RGS7: variants seen among roughly 807,000 people sequenced by gnomAD.
RGS7 encodes the protein regulator of G protein signaling 7, also known as regulator of G-protein signaling 7.
A neutral mutation model predicts 81.1 loss-of-function variants in RGS7; 27 were observed. The observed-to-expected ratio is 0.33, with a 90% CI of 0.25 to 0.46. The LOEUF (loss-of-function observed/expected upper bound fraction) is 0.46. Ranked by LOEUF, RGS7 falls within the 20% of genes least tolerant of loss-of-function variation. The pLI is 1.00. For missense variants in RGS7, 396 were observed against 607.4 expected (o/e 0.65, Z 3.66); for synonymous variants, 208 against 207.7 (o/e 1.00, Z -0.01).
chr1:241,196,076 G>C (rs1224849320), intron 2 of RGS7, among the ~76,000 whole-genome samples: 2 of 151,948 alleles, frequency 1.3e-5, no homozygotes, highest in African/African-American at 4.8e-5. Context: ...AAGTCAAAGA[G>C]AAATCTTAAA....
At chr1:240,840,878 C>T (rs993857197) in intron 9 of RGS7, among the ~76,000 whole-genome samples, 1 of 152,060 alleles carries the variant, frequency 6.6e-6, no homozygotes, top group African/African-American at 2.4e-5. Flanking sequence ...ATGTGAAAGA[C>T]TTTTTGAACA....
chr1:240,874,525 G>A (rs1028144787), intron 6 of RGS7, among the ~76,000 whole-genome samples: 1 of 152,048 alleles, frequency 6.6e-6, no homozygotes, highest in African/African-American at 2.4e-5. Context: ...ATTAAATCTG[G>A]TATGTAACAA....
chr1:241,238,891 G>A (rs992947382), intron 2 of RGS7, among the ~76,000 whole-genome samples: 1 of 150,526 alleles, frequency 6.6e-6, no homozygotes, highest in Non-Finnish European at 1.5e-5. Flanking sequence ...TTTTTGATTT[G>A]TTATAAAACA....
intron 2 of RGS7, among the ~76,000 whole-genome samples, chr1:241,178,381 G>A (rs1466223895): frequency 6.6e-6 from 1 of 152,104 alleles, no homozygotes; most frequent in South Asian, 2.1e-4. Flanking sequence ...CATAAATTTG[G>A]GAATCGTAAA....
Position 240,890,002 on chromosome 1 carries a change from ACTC to A in RGS7, c.386-19886_386-19884del, listed in dbSNP as rs747398873. Among the ~76,000 whole-genome samples the A allele has an allele frequency of 1.8e-4, 27 of 151,818 alleles. No individual in the cohort carries two copies. In the East Asian group the frequency reaches 4.1e-3, roughly 23 times the overall value. On this transcript the variant is annotated intron_variant, in intron 6 of 18. Coordinates refer to ENST00000440928, the MANE Select transcript of RGS7 (RefSeq NM_001364886.1). ...CAGAGTTTCCACCTTTTGTTTCTTC[ACTC>A]CTCCTATTTGCCAAAACAGTCACTG...
At chr1:241,194,314 G>A (rs2072907030) in intron 2 of RGS7, among the ~76,000 whole-genome samples, 1 of 152,050 alleles carries the variant, frequency 6.6e-6, no homozygotes. Context: ...CTACCTCTGG[G>A]CACCAATGGA....
intron 18 of RGS7, among the ~76,000 whole-genome samples, chr1:240,793,611 A>ATATATATATATTTTTTTTTTTTT: frequency 2.5e-5 from 2 of 78,870 alleles, no homozygotes; most frequent in African/African-American, 1.9e-4. Flanking sequence ...ATATATATAT[A>ATATATATATATTTTTTTTTTTTT]TTTTTTTTTT....
At chr1:240,988,529 AC>A (rs1339237894) in intron 3 of RGS7, among the ~76,000 whole-genome samples, 2 of 152,186 alleles carry the variant, frequency 1.3e-5, no homozygotes, top group African/African-American at 4.8e-5. Flanking sequence ...GAATTAATGA[AC>A]TAAATTTCTC....
At chr1:241,215,235 T>C (rs1166693792) in intron 2 of RGS7, among the ~76,000 whole-genome samples, 1 of 152,206 alleles carries the variant, frequency 6.6e-6, no homozygotes, top group African/African-American at 2.4e-5. Context: ...CATGAGGATA[T>C]GTCTATTTTA....
chr1:241,215,703 A>G (rs1004455802), intron 2 of RGS7, among the ~76,000 whole-genome samples: 33 of 152,178 alleles, frequency 2.2e-4, no homozygotes, highest in Non-Finnish European at 3.4e-4. Context: ...TAGGGGAAAA[A>G]AACAGTGTGT....
At chr1:240,917,274 A>G (rs1672762304) in intron 6 of RGS7, among the ~76,000 whole-genome samples, 1 of 152,204 alleles carries the variant, frequency 6.6e-6, no homozygotes, top group Admixed American at 6.5e-5. Context: ...CTTCAGAAAA[A>G]GGGAGAATGA....
chr1:241,183,949 C>T (rs1028652770), intron 2 of RGS7, among the ~76,000 whole-genome samples: 9 of 152,170 alleles, frequency 5.9e-5, no homozygotes, highest in African/African-American at 2.2e-4. Context: ...AAGGAAGTGA[C>T]AGCAACACCC....
chr1:241,355,735 C>T lies in RGS7; in HGVS notation c.42G>A (p.Val14=). Residue 14 remains valine, a synonymous_variant, in exon 2 of 19, where the codon GTG becomes GTA. Transcript: ENST00000440928. ...CCAGCATGTTGGGTGATTCATCGGC[C>T]ACCCCGTTGCTGGTCTGCCCATAAT... ...GNNYGQTSNG[V]ADESPNMLVY... is the part of the protein sequence containing the mutation. The T allele has an allele frequency of 6.2e-7, 1 of 1,614,124 alleles. No individual in the cohort carries two copies. Among genetic ancestry groups the T allele is most frequent in the Non-Finnish European group, 8.5e-7 (1 of 1,180,022 alleles).
intron 3 of RGS7, among the ~76,000 whole-genome samples, chr1:241,092,018 C>T (rs1327399445): frequency 6.6e-6 from 1 of 151,970 alleles, no homozygotes; most frequent in Non-Finnish European, 1.5e-5. Context: ...GGTTTAAAGC[C>T]TATTTATTAT....
At chr1:241,118,757 G>A (rs2102986418) in intron 2 of RGS7, among the ~76,000 whole-genome samples, 1 of 152,182 alleles carries the variant, frequency 6.6e-6, no homozygotes, top group South Asian at 2.1e-4. Context: ...TGGAGGAGAG[G>A]GGGCCATTAT....
chr1:241,227,773 TAACA>T (rs1360426083), intron 2 of RGS7, among the ~76,000 whole-genome samples: 1 of 126,986 alleles, frequency 7.9e-6, no homozygotes, highest in African/African-American at 2.6e-5. Context: ...GAAAAAGCCT[TAACA>T]AACAGAAGTG....
rs116066668 is a variant in RGS7, at chr1:241,209,810, G to A, written c.79-111048C>T. On this transcript the variant is annotated intron_variant, in intron 2 of 18. Coordinates refer to ENST00000440928, the MANE Select transcript of RGS7 (RefSeq NM_001364886.1). ...TGTGTTCATGCCACTGCACTGCAGC[G>A]TGGGTGTCAGAGCCAGACCCTGTCT... Among the ~76,000 whole-genome samples, 611 of 152,124 alleles carry A rather than the reference G, an allele frequency of 4.0e-3. 3 individuals carry two copies. Among genetic ancestry groups the A allele is most frequent in the African/African-American group, 9.9e-3 (412 of 41,482 alleles).
chr1:240,978,971 A>C (rs775491408), intron 4 of RGS7, among the ~76,000 whole-genome samples: 2 of 152,206 alleles, frequency 1.3e-5, no homozygotes, highest in Non-Finnish European at 2.9e-5. Flanking sequence ...AACAGACTTA[A>C]ATCAGTCACC....
chr1:241,295,070 T>G (rs1285410915), intron 2 of RGS7, among the ~76,000 whole-genome samples: 9 of 152,250 alleles, frequency 5.9e-5, no homozygotes, highest in Non-Finnish European at 2.9e-5. Flanking sequence ...GAATTTTAGT[T>G]CCTTCCTACT....
Sources: allele counts gnomAD v4.1 joint callset (sites outside exome capture counted in the v4.1 genomes callset), GRCh38; gene constraint gnomAD v4.1.1; transcripts MANE v1.5; gene names NCBI Gene and HGNC (gene_info 2026-07-23, HGNC 2026-07-21).